CNTN6: variants seen among roughly 807,000 people sequenced by gnomAD.
The protein encoded by CNTN6 is contactin-6.
Under a neutral mutation model 122.8 loss-of-function variants are expected in CNTN6, and 137 were observed. The observed-to-expected ratio is 1.12, with a 90% confidence interval of 0.97 to 1.29. The LOEUF (loss-of-function observed/expected upper bound fraction) is 1.29, where lower values mean the gene tolerates loss of function less well. Ranked by LOEUF, CNTN6 falls within the 50% of genes most tolerant of loss-of-function variation. The pLI is 0.00. For missense variants in CNTN6, 1,634 were observed against 1,223.4 expected, an observed-to-expected ratio of 1.34 and a Z score of -5.01; for synonymous variants, 570 against 426.0, an observed-to-expected ratio of 1.34 and a Z score of -4.16.
At chr3:1,345,296 A>G (rs1305814199) in intron 11 of CNTN6, among the ~76,000 whole-genome samples, 1 of 151,890 alleles carries the variant, frequency 6.6e-6, no homozygotes, top group African/African-American at 2.4e-5. Flanking sequence ...TTGTATTTTC[A>G]GTACAGACGG....
chr3:1,402,101 T>A (rs1160999610), intron 21 of CNTN6, among the ~76,000 whole-genome samples: 1 of 151,262 alleles, frequency 6.6e-6, no homozygotes, highest in African/African-American at 2.4e-5. Flanking sequence ...TAGGGATAAA[T>A]CTACTCTCCT....
chr3:1,386,882 ATTAAAGTTATTCCCCT>A (rs1693062481), intron 20 of CNTN6, among the ~76,000 whole-genome samples: 1 of 152,096 alleles, frequency 6.6e-6, no homozygotes, highest in African/African-American at 2.4e-5. Context: ...ATAAAGTTAT[ATTAAAGTTATTCCCCT>A]TATGCGTATA....
intron 19 of CNTN6, among the ~76,000 whole-genome samples, chr3:1,384,778 T>TATACATATATACACACACACAC (rs1692574897): frequency 8.0e-6 from 1 of 124,470 alleles, no homozygotes; most frequent in African/African-American, 3.2e-5. Flanking sequence ...TACACATATA[T>TATACATATATACACACACACAC]ATATATATAT....
chr3:1,372,373 G>T lies in CNTN6; in HGVS notation c.1567G>T (p.Val523Leu), dbSNP rs759275427. 7.4e-6 allele frequency: 12 copies of T among 1,613,302 alleles called. No homozygotes were observed. In the South Asian group the frequency reaches 1.3e-4, roughly 18 times the overall value. Residue 523 changes from valine (V) to leucine (L), a missense_variant, in exon 13 of 23, where the codon GTG becomes TTG. Coordinates refer to ENST00000446702, the MANE Select transcript of CNTN6 (RefSeq NM_001289080.2). ...CGAGAGTATAGTGCTACCATGCCAG[G>T]TGTCCCATGACCCCTCCATTGAAGT... ...VGESIVLPCQ[V>L]SHDPSIEVVF...
chr3:1,170,927 A>C (rs1298057349), intron 2 of CNTN6, among the ~76,000 whole-genome samples: 3 of 152,184 alleles, frequency 2.0e-5, no homozygotes, highest in African/African-American at 7.2e-5. Context: ...TTTATATATT[A>C]CTATTTGTAC....
chr3:1,371,960 A>C (rs1340301766), intron 12 of CNTN6, among the ~76,000 whole-genome samples: 1 of 152,190 alleles, frequency 6.6e-6, no homozygotes, highest in African/African-American at 2.4e-5. Flanking sequence ...CAGTGTGTCA[A>C]TTGTAATGTT....
At chr3:1,255,587 C>A (rs1045527233) in intron 4 of CNTN6, among the ~76,000 whole-genome samples, 1 of 152,002 alleles carries the variant, frequency 6.6e-6, no homozygotes. Flanking sequence ...GAGCTCCATA[C>A]AATTTTAAGA....
intron 5 of CNTN6, among the ~76,000 whole-genome samples, chr3:1,281,154 G>A (rs1034475724): frequency 4.6e-5 from 7 of 152,134 alleles, no homozygotes; most frequent in African/African-American, 1.4e-4. Flanking sequence ...ACACTCAGAT[G>A]AAGAGAATTA....
chr3:1,104,980 A>C (rs970883822), intron 1 of CNTN6, among the ~76,000 whole-genome samples: 1 of 152,134 alleles, frequency 6.6e-6, no homozygotes, highest in African/African-American at 2.4e-5. Context: ...GCTATGGTAC[A>C]TATCCTTGTA....
intron 4 of CNTN6, among the ~76,000 whole-genome samples, chr3:1,273,942 A>G (rs1201109777): frequency 6.6e-6 from 1 of 152,204 alleles, no homozygotes; most frequent in Non-Finnish European, 1.5e-5. Flanking sequence ...ATTGTGGAGC[A>G]CTGACAATGT....
intron 1 of CNTN6, among the ~76,000 whole-genome samples, chr3:1,115,298 G>A (rs2091669715): frequency 6.6e-6 from 1 of 152,202 alleles, no homozygotes; most frequent in Non-Finnish European, 1.5e-5. Flanking sequence ...TGTATTGCTA[G>A]GGTTATCACA....
At chr3:1,398,983 C>T (rs753634559) in intron 20 of CNTN6, among the ~76,000 whole-genome samples, 6 of 152,134 alleles carry the variant, frequency 3.9e-5, no homozygotes, top group Non-Finnish European at 7.4e-5. Context: ...ACATTGCAAA[C>T]TGCTCCTTTA....
In CNTN6 at chr3:1,391,893, A is replaced by G. The variant is rs927079012; in HGVS notation, c.2704+6096A>G. 1.2e-3 allele frequency among the ~76,000 whole-genome samples: 176 copies of G among 152,298 alleles called. 1 individual carries two copies. Among genetic ancestry groups the G allele is most frequent in the African/African-American group, 4.1e-3 (169 of 41,554 alleles). On this transcript the variant is annotated intron_variant, in intron 20 of 22. Transcript: ENST00000446702. ...AAGGAGAACTGCAAACCACTGCTCAATGAGATAAAAGAGGATACAAACAAA... is the reference window on the plus strand; with the variant it reads ...AAGGAGAACTGCAAACCACTGCTCAGTGAGATAAAAGAGGATACAAACAAA...
intron 1 of CNTN6, among the ~76,000 whole-genome samples, chr3:1,137,524 G>A (rs990066967): frequency 2.0e-5 from 3 of 151,990 alleles, no homozygotes; most frequent in Admixed American, 6.6e-5. Flanking sequence ...GTGTTTAAGA[G>A]GTCATCTAGT....
intron 5 of CNTN6, among the ~76,000 whole-genome samples, chr3:1,285,498 T>C (rs1159566967): frequency 6.6e-6 from 1 of 152,226 alleles, no homozygotes; most frequent in African/African-American, 2.4e-5. Context: ...ACTCACCTTA[T>C]ATAAGTAATA....
At chr3:1,220,207 G>A (rs2094188995) in intron 2 of CNTN6, among the ~76,000 whole-genome samples, 2 of 151,716 alleles carry the variant, frequency 1.3e-5, no homozygotes, top group East Asian at 2.0e-4. Context: ...ATGGTGGCAG[G>A]CACCTGTAGT....
intron 1 of CNTN6, among the ~76,000 whole-genome samples, chr3:1,098,142 G>C (rs1323216193): frequency 2.6e-5 from 4 of 151,946 alleles, no homozygotes; most frequent in Non-Finnish European, 5.9e-5. Context: ...GCTAGATGAC[G>C]AGTTAGTGGG....
chr3:1,198,496 G>A (rs2093810633), intron 2 of CNTN6, among the ~76,000 whole-genome samples: 1 of 152,138 alleles, frequency 6.6e-6, no homozygotes, highest in Non-Finnish European at 1.5e-5. Flanking sequence ...GCCAAGGCAG[G>A]TGGATCACCT....
intron 2 of CNTN6, among the ~76,000 whole-genome samples, chr3:1,166,804 TG>T (rs1419961919): frequency 6.6e-6 from 1 of 152,128 alleles, no homozygotes; most frequent in Non-Finnish European, 1.5e-5. Context: ...AAACACTGCA[TG>T]TTCTCACTCA....
Sources: allele counts gnomAD v4.1 joint callset (sites outside exome capture counted in the v4.1 genomes callset), GRCh38; gene constraint gnomAD v4.1.1; transcripts MANE v1.5; gene names NCBI Gene and HGNC (gene_info 2026-07-23, HGNC 2026-07-21).